The following ARNT2 variants were observed in gnomAD, a reference collection of about 807,000 sequenced individuals.
ARNT2 encodes the protein aryl hydrocarbon receptor nuclear translocator 2, also known as ARNT protein 2.
ARNT2 carries 36 observed loss-of-function variants against 91.7 expected under a neutral mutation model. The ratio of observed to expected loss-of-function variants is 0.39; its 90% confidence interval spans 0.30 to 0.52. The LOEUF (loss-of-function observed/expected upper bound fraction) is 0.52. Among genes scored for constraint, ARNT2 ranks in the 20% least tolerant of loss-of-function variants. The pLI is 0.72. For synonymous variants in ARNT2, 365 were observed against 347.1 expected (o/e 1.05, Z -0.57); for missense variants, 775 against 939.3 (o/e 0.83, Z 2.29).
intron 2 of ARNT2, among the ~76,000 whole-genome samples, chr15:80,452,852 A>G (rs982071497): frequency 6.6e-6 from 1 of 152,146 alleles, no homozygotes; most frequent in African/African-American, 2.4e-5. Flanking sequence ...CTCGGCCTCC[A>G]TGTTTCTGAC....
intron 1 of ARNT2, among the ~76,000 whole-genome samples, chr15:80,414,934 G>A (rs901546880): frequency 6.6e-5 from 10 of 152,310 alleles, no homozygotes; most frequent in African/African-American, 1.4e-4. Context: ...GGTTGGCTAC[G>A]TGTGTGTTCC....
At chr15:80,544,836 G>A (rs558967770) in intron 8 of ARNT2, among the ~76,000 whole-genome samples, 1 of 152,284 alleles carries the variant, frequency 6.6e-6, no homozygotes, top group South Asian at 2.1e-4. Context: ...GTCCCAGAAC[G>A]GAAAAGACTC....
chr15:80,524,874 CAAA>C (rs36043186), intron 8 of ARNT2, among the ~76,000 whole-genome samples: 5 of 89,260 alleles, frequency 5.6e-5, no homozygotes, highest in Non-Finnish European at 4.7e-5. Flanking sequence ...GACTCTGTCT[CAAA>C]AAAAAAAAAA....
chr15:80,521,349 A>T (rs900240960), intron 8 of ARNT2, among the ~76,000 whole-genome samples: 1 of 152,188 alleles, frequency 6.6e-6, no homozygotes, highest in Non-Finnish European at 1.5e-5. Flanking sequence ...TAAAAATCAG[A>T]CTATAAAAAA....
At chr15:80,501,039 G>A (rs1327295068) in intron 5 of ARNT2, among the ~76,000 whole-genome samples, 1 of 152,130 alleles carries the variant, frequency 6.6e-6, no homozygotes, top group Admixed American at 6.5e-5. Flanking sequence ...ATCAGTAAAG[G>A]TATTGACAGC....
chr15:80,505,514 AT>A (rs1897261446), intron 5 of ARNT2, among the ~76,000 whole-genome samples: 1 of 152,256 alleles, frequency 6.6e-6, no homozygotes, highest in Admixed American at 6.5e-5. Context: ...GCCAAGCATA[AT>A]TGTAGTCACT....
chr15:80,468,180 C>T (rs527620186), intron 3 of ARNT2, among the ~76,000 whole-genome samples: 1 of 152,184 alleles, frequency 6.6e-6, no homozygotes, highest in Admixed American at 6.5e-5. Context: ...GTGTTTCCAC[C>T]ATTCCAGTGG....
At chr15:80,421,904 GA>G (rs1159362793) in intron 1 of ARNT2, among the ~76,000 whole-genome samples, 1 of 152,158 alleles carries the variant, frequency 6.6e-6, no homozygotes, top group African/African-American at 2.4e-5. Flanking sequence ...TGGGTGTCAG[GA>G]AATTACAGCA....
chr15:80,422,091 C>G (rs1895869013), intron 1 of ARNT2, among the ~76,000 whole-genome samples: 1 of 152,214 alleles, frequency 6.6e-6, no homozygotes, highest in Admixed American at 6.5e-5. Flanking sequence ...GAGACCTCCT[C>G]CTTCTTATGT....
At chr15:80,559,084 C>T (rs968581151) in intron 11 of ARNT2, among the ~76,000 whole-genome samples, 9 of 152,208 alleles carry the variant, frequency 5.9e-5, no homozygotes. Context: ...GGCCTGTCTC[C>T]CTCCAATGCA....
intron 1 of ARNT2, among the ~76,000 whole-genome samples, chr15:80,418,260 G>C (rs1440182814): frequency 6.6e-6 from 1 of 152,180 alleles, no homozygotes; most frequent in Non-Finnish European, 1.5e-5. Context: ...ATCATAAGCT[G>C]TCCCTGCTCT....
chr15:80,551,391 G>A (rs971682015), intron 9 of ARNT2, 116 bp downstream of exon 9: 2 of 975,762 alleles, frequency 2.0e-6, no homozygotes, highest in Non-Finnish European at 3.1e-6. Flanking sequence ...TATTTGTTGG[G>A]TTTCGTGTCT....
intron 1 of ARNT2, among the ~76,000 whole-genome samples, chr15:80,417,811 G>A (rs781151125): frequency 6.6e-6 from 1 of 152,190 alleles, no homozygotes; most frequent in South Asian, 2.1e-4. Context: ...TGGCTCCTCC[G>A]TTGGGTACTG....
At chr15:80,457,210 TGTTTAC>T (rs1896493360) in intron 2 of ARNT2, among the ~76,000 whole-genome samples, 1 of 152,234 alleles carries the variant, frequency 6.6e-6, no homozygotes, top group Non-Finnish European at 1.5e-5. Context: ...TTTTGTCTTA[TGTTTAC>T]ACTGAGAGGC....
chr15:80,508,400 A>C, intron 6 of ARNT2, 142 bp downstream of exon 6: 1 of 689,756 alleles, frequency 1.4e-6, no homozygotes, highest in Admixed American at 2.3e-5. Context: ...TGACCTCAGC[A>C]TGCAGATATA....
chr15:80,534,414 A>T (rs1897788225), intron 8 of ARNT2, among the ~76,000 whole-genome samples: 1 of 152,184 alleles, frequency 6.6e-6, no homozygotes, highest in Non-Finnish European at 1.5e-5. Context: ...ATAAAGTAAA[A>T]ATTACTTGTA....
In ARNT2 at chr15:80,581,301, C is replaced by G. The variant is rs79914316; in HGVS notation, c.1815C>G (p.Thr605=). ...CCTTTGGGATTGGAACGAGCCACACCTACCCGGCAGACCCCTCTTCCTACA... is the reference window on the plus strand; with the variant it reads ...CCTTTGGGATTGGAACGAGCCACACGTACCCGGCAGACCCCTCTTCCTACA... The part of the protein sequence containing the change: ...SSPFGIGTSH[T]YPADPSSYSP... The change falls in exon 17 of 19, where the codon ACC becomes ACG. Residue 605 remains threonine, a synonymous_variant. Transcript: ENST00000303329. 34,249 of 1,614,118 alleles carry G rather than the reference C, an allele frequency of 0.021. 1,805 individuals carry two copies. Among genetic ancestry groups the G allele is most frequent in the East Asian group, 0.15 (6,545 of 44,870 alleles).
At chr15:80,452,534 T>A (rs1896412318) in intron 2 of ARNT2, among the ~76,000 whole-genome samples, 2 of 152,216 alleles carry the variant, frequency 1.3e-5, no homozygotes, top group Non-Finnish European at 2.9e-5. Context: ...CTTAATTGAT[T>A]TTTTTTACAA....
intron 1 of ARNT2, among the ~76,000 whole-genome samples, chr15:80,406,571 C>T (rs1895604007): frequency 6.6e-6 from 1 of 152,212 alleles, no homozygotes. Flanking sequence ...CATTACATTG[C>T]TCCATGAGCT....
Sources: allele counts gnomAD v4.1 joint callset (sites outside exome capture counted in the v4.1 genomes callset), GRCh38; gene constraint gnomAD v4.1.1; transcripts MANE v1.5; gene names NCBI Gene and HGNC (gene_info 2026-07-23, HGNC 2026-07-21).